Variants in NAV2 observed in about 807,000 individuals in gnomAD.
The protein encoded by NAV2 is neuron navigator 2, also known as helicase, APC down-regulated 1.
NAV2 carries 54 observed loss-of-function variants against 223.2 expected under a neutral mutation model. The observed-to-expected ratio is 0.24, with a 90% CI of 0.19 to 0.30. The LOEUF is 0.30. Ranked by LOEUF, NAV2 falls within the 10% of genes least tolerant of loss-of-function variation. The pLI, the probability that NAV2 is intolerant of heterozygous loss-of-function variation, is 1.00. For missense variants in NAV2, 2,806 were observed against 3,147.5 expected (o/e 0.89, Z 2.60); for synonymous variants, 1,279 against 1,239.3 (o/e 1.03, Z -0.67).
intron 1 of NAV2, among the ~76,000 whole-genome samples, chr11:19,554,619 C>T (rs114073240): frequency 0.02 from 3,032 of 152,190 alleles, 107 homozygotes; most frequent in African/African-American, 0.068. Flanking sequence ...TTCTGTTTCT[C>T]GTCTATAAAA....
chr11:20,097,515 A>T (rs2061360484), intron 30 of NAV2, 62 bp from the exon 31 acceptor site: 3 of 1,311,806 alleles, frequency 2.3e-6, no homozygotes, highest in African/African-American at 1.5e-5. Context: ...CAGGGAAAAC[A>T]TGAGTCATGG....
At chr11:19,433,481 T>A (rs1393101694) in intron 1 of NAV2, among the ~76,000 whole-genome samples, 2 of 152,240 alleles carry the variant, frequency 1.3e-5, no homozygotes, top group Non-Finnish European at 2.9e-5. Context: ...CTGACCTGCC[T>A]AAAAGGAGGA....
intron 1 of NAV2, among the ~76,000 whole-genome samples, chr11:19,725,726 AT>A: frequency 6.6e-6 from 1 of 152,240 alleles, no homozygotes; most frequent in East Asian, 1.9e-4. Context: ...GCTTTGTCAT[AT>A]TTTTAGCCAC....
chr11:19,479,445 C>T (rs534857834), intron 1 of NAV2, among the ~76,000 whole-genome samples: 3 of 152,206 alleles, frequency 2.0e-5, no homozygotes, highest in African/African-American at 4.8e-5. Context: ...GTGCCAGATG[C>T]CGTGCTAAGT....
chr11:19,369,780 G>A lies in NAV2; in HGVS notation c.75+18753G>A, dbSNP rs778137905. ...TCCTCCTGAGGTTGTTGTGAATATC[G>A]AGCCGGTGCATCAGGAAATCGAAAG... On this transcript the variant is annotated intron_variant, in intron 1 of 37. Coordinates refer to the NAV2 transcript ENST00000360655. 5.9e-5 allele frequency among the ~76,000 whole-genome samples: 9 copies of A among 152,236 alleles called. No individual in the cohort carries two copies. The East Asian group carries it at 7.7e-4, about 13-fold the overall frequency.
At chr11:19,637,439 C>T (rs1459467057) in intron 1 of NAV2, among the ~76,000 whole-genome samples, 3 of 152,196 alleles carry the variant, frequency 2.0e-5, no homozygotes, top group Admixed American at 6.5e-5. Context: ...CCCATCTTGC[C>T]AATGTTGACA....
intron 22 of NAV2, among the ~76,000 whole-genome samples, chr11:20,069,532 A>C (rs1281139277): frequency 7.9e-5 from 12 of 151,854 alleles, no homozygotes; most frequent in Admixed American, 7.9e-4. Context: ...CTCTTCCCCC[A>C]CCCCCATCAG....
At chr11:20,067,915 C>A (rs754617306) in intron 20 of NAV2, among the ~76,000 whole-genome samples, 27 of 152,082 alleles carry the variant, frequency 1.8e-4, no homozygotes, top group Non-Finnish European at 3.5e-4. Context: ...CTATCACCAT[C>A]CCCGCCTGGG....
chr11:19,578,222 T>TC (rs1357264440), intron 1 of NAV2, among the ~76,000 whole-genome samples: 2 of 152,244 alleles, frequency 1.3e-5, no homozygotes, highest in Admixed American at 1.3e-4. Flanking sequence ...GCTGGGCTTT[T>TC]ACAAGCTGAG....
chr11:19,418,666 A>AC (rs1850482101), intron 1 of NAV2, among the ~76,000 whole-genome samples: 1 of 152,112 alleles, frequency 6.6e-6, no homozygotes. Context: ...ATGGATTGAG[A>AC]CGGGGTTGGA....
chr11:20,094,223 CTTTTTTTTTTT>C (rs61099684), intron 29 of NAV2, among the ~76,000 whole-genome samples: 11 of 88,522 alleles, frequency 1.2e-4, no homozygotes, highest in Admixed American at 8.9e-4. Flanking sequence ...TTTTCTTTAT[CTTTTTTTTTTT>C]TTTTTTTTTT....
chr11:19,403,597 A>C (rs1335411657), intron 1 of NAV2, among the ~76,000 whole-genome samples: 2 of 152,210 alleles, frequency 1.3e-5, no homozygotes, highest in African/African-American at 4.8e-5. Context: ...TGTTCATTTA[A>C]TTCATTCTAT....
At chr11:19,568,852 T>C (rs77860049) in intron 1 of NAV2, among the ~76,000 whole-genome samples, 5,001 of 152,292 alleles carry the variant, frequency 0.033, 282 homozygotes, top group African/African-American at 0.11. Flanking sequence ...TGGATCTGAT[T>C]AGGAGTTATT....
intron 1 of NAV2, among the ~76,000 whole-genome samples, chr11:19,791,856 G>A (rs2057543813): frequency 6.6e-6 from 1 of 152,208 alleles, no homozygotes; most frequent in African/African-American, 2.4e-5. Context: ...GTAGTGTGGA[G>A]ATGGTCATTC....
intron 26 of NAV2, among the ~76,000 whole-genome samples, chr11:20,085,660 A>G (rs1319143165): frequency 6.6e-6 from 1 of 152,200 alleles, no homozygotes; most frequent in Non-Finnish European, 1.5e-5. Flanking sequence ...GCTCACTCCA[A>G]ACCCAGTGCA....
intron 5 of NAV2, among the ~76,000 whole-genome samples, chr11:19,881,079 A>G (rs1591042208): frequency 1.3e-5 from 2 of 152,152 alleles, no homozygotes; most frequent in Non-Finnish European, 1.5e-5. Flanking sequence ...ACACACCTTG[A>G]TATACCTTTT....
chr11:19,761,727 A>T (rs1484115992), intron 1 of NAV2, among the ~76,000 whole-genome samples: 1 of 152,196 alleles, frequency 6.6e-6, no homozygotes, highest in Non-Finnish European at 1.5e-5. Flanking sequence ...AACTGCTCTA[A>T]GGACTACCAG....
chr11:19,732,446 G>A (rs978392435), intron 1 of NAV2, among the ~76,000 whole-genome samples: 2 of 152,212 alleles, frequency 1.3e-5, no homozygotes, highest in African/African-American at 4.8e-5. Flanking sequence ...TGCTTAGCAT[G>A]GAGTCTGTCA....
intron 26 of NAV2, among the ~76,000 whole-genome samples, chr11:20,086,520 A>G (rs2060456421): frequency 6.6e-6 from 1 of 151,958 alleles, no homozygotes. Flanking sequence ...CCCATTGCAC[A>G]TGTTGCCCCC....
Sources: allele counts gnomAD v4.1 joint callset (sites outside exome capture counted in the v4.1 genomes callset), GRCh38; gene constraint gnomAD v4.1.1; transcripts MANE v1.5; gene names NCBI Gene and HGNC (gene_info 2026-07-23, HGNC 2026-07-21).